Variants in TMEM39A observed in about 807,000 individuals in gnomAD.
TMEM39A encodes the protein transmembrane protein 39A, also known as suppressor of SQST-1 aggregates in rpl-43 mutants.
Under a neutral mutation model 51.9 loss-of-function variants are expected in TMEM39A, and 19 were observed. The ratio of observed to expected loss-of-function variants is 0.37; its 90% confidence interval spans 0.26 to 0.54. The LOEUF (loss-of-function observed/expected upper bound fraction) is 0.54. Ranked by LOEUF, TMEM39A falls within the 20% of genes least tolerant of loss-of-function variation. The probability of loss-of-function intolerance (pLI) is 0.88; values close to 1 mark genes in which losing one functional copy is unlikely to be tolerated. For synonymous variants in TMEM39A, 197 were observed against 220.2 expected (o/e 0.89, Z 0.93); for missense variants, 433 against 590.5 (o/e 0.73, Z 2.76).
At chr3:119,439,790 C>T (rs757732418) in intron 5 of TMEM39A, among the ~76,000 whole-genome samples, 3 of 150,658 alleles carry the variant, frequency 2.0e-5, no homozygotes, top group Non-Finnish European at 4.4e-5. Context: ...TTTTTTGAGA[C>T]AAGGTCTTAC....
At chr3:119,435,463 G>C (rs1033768330) in intron 7 of TMEM39A, 1 of 984,602 alleles carries the variant, frequency 1.0e-6, no homozygotes, top group Admixed American at 6.2e-5. Context: ...CTGCTTTCAT[G>C]GTTTATTTTT....
At chr3:119,452,241 C>G (rs936577009) in intron 4 of TMEM39A, among the ~76,000 whole-genome samples, 1 of 152,112 alleles carries the variant, frequency 6.6e-6, no homozygotes, top group African/African-American at 2.4e-5. Flanking sequence ...TCCGACCCTA[C>G]GAATGAATTT....
intron 5 of TMEM39A, among the ~76,000 whole-genome samples, chr3:119,445,794 C>T (rs1396683899): frequency 6.6e-6 from 1 of 152,202 alleles, no homozygotes; most frequent in Non-Finnish European, 1.5e-5. Flanking sequence ...GCAGAATCAT[C>T]TGGGTAAGGA....
At chr3:119,446,471 ATAC>A (rs1245876709) in intron 5 of TMEM39A, among the ~76,000 whole-genome samples, 1 of 152,240 alleles carries the variant, frequency 6.6e-6, no homozygotes, top group Admixed American at 6.5e-5. Flanking sequence ...AAATTTCACC[ATAC>A]TACTCAGAAC....
At chr3:119,433,150 T>C (rs191829152) in intron 8 of TMEM39A, among the ~76,000 whole-genome samples, 53 of 152,246 alleles carry the variant, frequency 3.5e-4, no homozygotes, top group Admixed American at 9.2e-4. Context: ...ATTTAGATCT[T>C]AAGAGCTTAC....
intron 3 of TMEM39A, among the ~76,000 whole-genome samples, chr3:119,456,268 A>G (rs896695601): frequency 6.6e-6 from 1 of 152,194 alleles, no homozygotes; most frequent in African/African-American, 2.4e-5. Flanking sequence ...TCCTACACTC[A>G]ATAAGCTCTT....
intron 4 of TMEM39A, chr3:119,451,202 C>T: frequency 1.6e-6 from 2 of 1,252,638 alleles, no homozygotes; most frequent in Non-Finnish European, 2.1e-6. Flanking sequence ...ACAAGGAATC[C>T]TACTACCTGT....
chr3:119,462,010 T>C lies in TMEM39A; in HGVS notation c.65A>G (p.Gln22Arg). ...QLSRSALPSLQTLVGGGCGNG... is the reference protein window; with the variant it reads ...QLSRSALPSLRTLVGGGCGNG... ...GCCACAGCCTCCACCAACCAAAGTC[T>C]GCAAAGAAGGTAAAGCTGAACGGCT... is the stretch of plus-strand genomic sequence containing the variant. Residue 22 changes from glutamine to arginine, a missense_variant, in exon 2 of 9, where the codon CAG (glutamine) becomes CGG (arginine). Gln to Arg is a conservative substitution (Grantham distance 43, BLOSUM62 1). This residue lies in a region of TMEM39A where 170 missense variants were observed against 239.8 expected (regional missense o/e 0.71). Transcript: ENST00000319172. 4 of 1,614,186 alleles carry C rather than the reference T, an allele frequency of 2.5e-6. No homozygotes were observed. Among genetic ancestry groups the C allele is most frequent in the Non-Finnish European group, 2.5e-6 (3 of 1,180,014 alleles).
At chr3:119,432,860 G>A (rs2080918827) in intron 8 of TMEM39A, among the ~76,000 whole-genome samples, 1 of 152,046 alleles carries the variant, frequency 6.6e-6, no homozygotes, top group African/African-American at 2.4e-5. Flanking sequence ...ATATTGAGAA[G>A]CAGGGTGCAC....
At chr3:119,456,871 G>C (rs1047234728) in intron 3 of TMEM39A, among the ~76,000 whole-genome samples, 6 of 152,106 alleles carry the variant, frequency 3.9e-5, no homozygotes, top group African/African-American at 1.4e-4. Context: ...CTCCCAAAGT[G>C]CTGGGATTAT....
At chr3:119,462,567 A>G (rs1171811150) in intron 1 of TMEM39A, among the ~76,000 whole-genome samples, 4 of 136,800 alleles carry the variant, frequency 2.9e-5, no homozygotes, top group African/African-American at 1.1e-4. Flanking sequence ...TCAGATGGTC[A>G]CATATTATCT....
chr3:119,432,461 C>A (rs1442688863), intron 8 of TMEM39A, among the ~76,000 whole-genome samples: 2 of 151,776 alleles, frequency 1.3e-5, no homozygotes, highest in Non-Finnish European at 2.9e-5. Context: ...AGAGATTATG[C>A]CCAAAAGAAA....
intron 6 of TMEM39A, among the ~76,000 whole-genome samples, 196 bp downstream of exon 6, chr3:119,437,559 C>T (rs2080987170): frequency 6.6e-6 from 1 of 151,312 alleles, no homozygotes; most frequent in African/African-American, 2.4e-5. Context: ...GAGGGAACCA[C>T]CACGGGTGCA....
At chr3:119,445,676 G>T (rs2081116154) in intron 5 of TMEM39A, among the ~76,000 whole-genome samples, 1 of 152,174 alleles carries the variant, frequency 6.6e-6, no homozygotes, top group Non-Finnish European at 1.5e-5. Context: ...AGCAAACTGA[G>T]GTCTGAAATT....
At chr3:119,435,643 G>C (rs1301317464) in intron 7 of TMEM39A, 5 of 983,412 alleles carry the variant, frequency 5.1e-6, no homozygotes, top group Non-Finnish European at 6.0e-6. Context: ...AGTTTCCTAG[G>C]ATAAGAACTG....
intron 2 of TMEM39A, among the ~76,000 whole-genome samples, chr3:119,460,348 G>A (rs1373127290): frequency 1.3e-5 from 2 of 152,044 alleles, no homozygotes; most frequent in African/African-American, 4.8e-5. Context: ...TTTTCCGAAC[G>A]TTCCTACTTC....
In TMEM39A at chr3:119,458,215, C is replaced by A. The variant is rs1044862582; in HGVS notation, c.139G>T (p.Val47Phe). The change falls in exon 3 of 9, where the codon GTC becomes TTC. Residue 47 changes from valine to phenylalanine, a missense_variant. Transcript: ENST00000319172. ...NRNGSAIGLP[V>F]PPITALITPG... is the part of the protein sequence containing the mutation. The stretch of plus-strand genomic sequence containing the variant: ...GTGATTAAGGCTGTGATAGGTGGGA[C>A]TGGAAGGCCAATAGCACTACCATTC... 6.2e-7 allele frequency: 1 copy of A among 1,614,078 alleles called. No individual in the cohort carries two copies. The highest frequency in any genetic ancestry group is 1.3e-5 in the African/African-American group (1 of 75,062).
At chr3:119,438,198 A>G (rs2081001034) in intron 5 of TMEM39A, 95 bp from the exon 6 acceptor site, 3 of 937,960 alleles carry the variant, frequency 3.2e-6, no homozygotes, top group Admixed American at 2.8e-5. Context: ...GGTCAATAAA[A>G]TAGTCAGGAC....
At position 119,430,176 on chromosome 3, in the gene TMEM39A, A is replaced by G. The variant is rs1476121119; in HGVS notation, c.*1805T>C. ...TACTTTAAAAAGCAACTAACCTAAT[A>G]TATTTTCTTGCTATTCTTCCAATAT... On this transcript the variant is annotated 3_prime_UTR_variant, in exon 9 of 9. Coordinates refer to ENST00000319172, the MANE Select transcript of TMEM39A (RefSeq NM_018266.3). 1 of 152,100 alleles carries G rather than the reference A, an allele frequency of 6.6e-6. No homozygotes were observed. The highest frequency in any genetic ancestry group is 2.4e-5 in the African/African-American group (1 of 41,422). 9.4% of individuals were successfully genotyped at this position (152,100 alleles called of 1,614,324 possible). A position where few individuals can be genotyped will look rare whatever the true frequency, so the allele number is the denominator to read the frequency against.
Sources: gnomAD v4.1 joint callset for allele counts (sites outside exome capture counted in the v4.1 genomes callset) on GRCh38, gnomAD v4.1.1 for gene constraint, gnomAD v4.1.1 regional missense constraint, MANE v1.5 for transcripts, NCBI Gene and HGNC (gene_info 2026-07-23, HGNC 2026-07-21) for gene names.